Variants in ETFA observed in about 807,000 individuals in gnomAD.
ETFA encodes electron transfer flavoprotein subunit alpha, also known as electron transfer flavoprotein subunit alpha, mitochondrial.
ETFA carries 22 observed loss-of-function variants against 46.2 expected under a neutral mutation model. That is an observed-to-expected ratio of 0.48 (90% CI 0.34 to 0.68). The LOEUF is 0.68. Among genes scored for constraint, ETFA ranks in the 30% least tolerant of loss-of-function variants. The pLI is 0.01. For synonymous variants in ETFA, 131 were observed against 139.9 expected (o/e 0.94, Z 0.45); for missense variants, 345 against 401.1 (o/e 0.86, Z 1.19).
intron 8 of ETFA, among the ~76,000 whole-genome samples, chr15:76,274,743 T>C (rs2039575990): frequency 6.6e-6 from 1 of 152,202 alleles, no homozygotes; most frequent in African/African-American, 2.4e-5. Flanking sequence ...AGAATGTCAT[T>C]ATATAATGCT....
intron 9 of ETFA, among the ~76,000 whole-genome samples, chr15:76,236,459 T>A (rs887673959): frequency 2.0e-5 from 3 of 152,204 alleles, no homozygotes; most frequent in African/African-American, 7.2e-5. Flanking sequence ...AAAATAATCA[T>A]AGAACAAACT....
At chr15:76,241,946 C>G (rs1213832167) in intron 9 of ETFA, among the ~76,000 whole-genome samples, 1 of 150,188 alleles carries the variant, frequency 6.7e-6, no homozygotes, top group African/African-American at 2.5e-5. Context: ...AAGTGAGTCT[C>G]ATGCTTCAGC....
intron 9 of ETFA, among the ~76,000 whole-genome samples, chr15:76,257,049 G>A (rs564465828): frequency 1.3e-5 from 2 of 151,700 alleles, no homozygotes; most frequent in Non-Finnish European, 2.9e-5. Context: ...GTTAAGTGAT[G>A]CATGCCTATA....
intron 9 of ETFA, among the ~76,000 whole-genome samples, chr15:76,268,322 G>C (rs2039494229): frequency 6.6e-6 from 1 of 152,136 alleles, no homozygotes; most frequent in Non-Finnish European, 1.5e-5. Flanking sequence ...CCATGGAGCG[G>C]GAGACTGGAG....
At chr15:76,240,985 T>G (rs1264097001) in intron 9 of ETFA, among the ~76,000 whole-genome samples, 1 of 151,882 alleles carries the variant, frequency 6.6e-6, no homozygotes, top group Non-Finnish European at 1.5e-5. Flanking sequence ...TGCTTTGCAT[T>G]TACCTAATTT....
intron 8 of ETFA, among the ~76,000 whole-genome samples, chr15:76,275,751 T>C (rs1016849211): frequency 1.3e-5 from 2 of 152,246 alleles, no homozygotes; most frequent in Non-Finnish European, 2.9e-5. Context: ...AGTTGTATTT[T>C]TGTTTTACTT....
At chr15:76,297,487 TTTA>T (rs1376372688) in intron 1 of ETFA, among the ~76,000 whole-genome samples, 10 of 152,062 alleles carry the variant, frequency 6.6e-5, no homozygotes, top group African/African-American at 2.2e-4. Context: ...CATCATATTT[TTTA>T]TTATGTTTCA....
chr15:76,237,802 C>T (rs1229320271), intron 9 of ETFA, among the ~76,000 whole-genome samples: 2 of 152,318 alleles, frequency 1.3e-5, no homozygotes, highest in Non-Finnish European at 2.9e-5. Context: ...GTAACTATTA[C>T]TATCTATATA....
At chr15:76,301,410 T>C (rs1044536802) in intron 1 of ETFA, among the ~76,000 whole-genome samples, 2 of 152,196 alleles carry the variant, frequency 1.3e-5, no homozygotes, top group Non-Finnish European at 2.9e-5. Context: ...TGAACATTTT[T>C]TTTAAAGAAC....
chr15:76,273,635 C>T (rs1266466607), intron 9 of ETFA, among the ~76,000 whole-genome samples: 1 of 151,778 alleles, frequency 6.6e-6, no homozygotes, highest in East Asian at 1.9e-4. Context: ...ACTACAGCAT[C>T]TTAAAACTGT....
intron 11 of ETFA, among the ~76,000 whole-genome samples, chr15:76,223,078 G>T (rs576226185): frequency 3.3e-5 from 5 of 151,776 alleles, no homozygotes; most frequent in African/African-American, 9.7e-5. Context: ...CAAGTGATCC[G>T]CCTTTCCTCG....
intron 9 of ETFA, among the ~76,000 whole-genome samples, chr15:76,250,167 G>GA (rs1258623684): frequency 6.6e-6 from 1 of 151,260 alleles, no homozygotes; most frequent in Non-Finnish European, 1.5e-5. Flanking sequence ...AAATACAAAT[G>GA]AAAAAAATGC....
intron 2 of ETFA, among the ~76,000 whole-genome samples, chr15:76,294,331 A>T (rs2141542182): frequency 6.6e-6 from 1 of 152,372 alleles, no homozygotes; most frequent in Admixed American, 6.5e-5. Context: ...TGGCTAATAC[A>T]GACATACAAA....
chr15:76,267,717 A>G (rs1201767641), intron 9 of ETFA, among the ~76,000 whole-genome samples: 1 of 152,244 alleles, frequency 6.6e-6, no homozygotes, highest in Non-Finnish European at 1.5e-5. Context: ...ATTTAGCTTT[A>G]TTAACATTAA....
chr15:76,240,932 T>G (rs937517967), intron 9 of ETFA, among the ~76,000 whole-genome samples: 1 of 150,950 alleles, frequency 6.6e-6, no homozygotes, highest in African/African-American at 2.4e-5. Flanking sequence ...TTAATAATAA[T>G]AAATTAAATA....
At chr15:76,224,605 G>A (rs1203812719) in intron 11 of ETFA, among the ~76,000 whole-genome samples, 1 of 152,198 alleles carries the variant, frequency 6.6e-6, no homozygotes, top group East Asian at 1.9e-4. Flanking sequence ...TGAAGTCACA[G>A]AAATGGGCCA....
At chr15:76,293,650 TTC>T (rs1457985154) in intron 2 of ETFA, among the ~76,000 whole-genome samples, 6 of 152,234 alleles carry the variant, frequency 3.9e-5, no homozygotes, top group Non-Finnish European at 7.3e-5. Context: ...TACTATCGTC[TTC>T]TGTCTCCTTG....
At chr15:76,236,266 T>A (rs990409527) in intron 9 of ETFA, among the ~76,000 whole-genome samples, 12 of 152,244 alleles carry the variant, frequency 7.9e-5, no homozygotes, top group African/African-American at 2.7e-4. Context: ...ATTCGATACA[T>A]CTATACTTAT....
chr15:76,239,545 C>G lies in ETFA; in HGVS notation c.817-8147G>C, dbSNP rs118181732. Among the ~76,000 whole-genome samples the G allele has an allele frequency of 9.7e-3, 1,470 of 152,170 alleles. 4 individuals carry two copies. Among genetic ancestry groups the G allele is most frequent in the Non-Finnish European group, 0.016 (1,082 of 68,014 alleles). On this transcript the variant is annotated intron_variant, in intron 9 of 11. Transcript: ENST00000557943. ...TTTGACCAACATCTCCCCATTTCCC[C>G]CACCTCCCAGCCCCTGGAAGCCACC...
Sources: gnomAD v4.1 joint callset for allele counts (sites outside exome capture counted in the v4.1 genomes callset) on GRCh38, gnomAD v4.1.1 for gene constraint, MANE v1.5 for transcripts, NCBI Gene and HGNC (gene_info 2026-07-23, HGNC 2026-07-21) for gene names.